The following PREX2 variants were observed in gnomAD, a reference collection of about 807,000 sequenced individuals.
The protein encoded by PREX2 is phosphatidylinositol 3,4,5-trisphosphate-dependent Rac exchanger 2 protein.
Under a neutral mutation model 203.2 loss-of-function variants are expected in PREX2, and 107 were observed. The observed-to-expected ratio is 0.53, with a 90% CI of 0.45 to 0.62. The LOEUF (loss-of-function observed/expected upper bound fraction) is 0.62, where lower values mean the gene tolerates loss of function less well. Among genes scored for constraint, PREX2 ranks in the 20% least tolerant of loss-of-function variants. PREX2 has a pLI of 0.00. For synonymous variants in PREX2, 672 were observed against 663.6 expected (o/e 1.01, Z -0.19); for missense variants, 1,777 against 1,955.9 (o/e 0.91, Z 1.72).
At chr8:68,158,093 A>G (rs1271711194) in intron 35 of PREX2, among the ~76,000 whole-genome samples, 2 of 89,548 alleles carry the variant, frequency 2.2e-5, no homozygotes, top group Non-Finnish European at 4.2e-5. Flanking sequence ...ATTCACATAT[A>G]TATGTGTATA....
intron 39 of PREX2, among the ~76,000 whole-genome samples, chr8:68,225,642 A>G (rs1457035184): frequency 6.6e-6 from 1 of 152,192 alleles, no homozygotes; most frequent in East Asian, 1.9e-4. Context: ...TTTCAAAGGG[A>G]AAACAAACTT....
chr8:68,233,940 AT>A lies in PREX2; in HGVS notation c.*2564del, dbSNP rs1488939094. ...GTTGTCATTAAATTATACATCTTGTATTAAAAAACGGTGAATGGAAATATGT... is the reference window on the plus strand; with the variant it reads ...GTTGTCATTAAATTATACATCTTGTATAAAAAACGGTGAATGGAAATATGT... On this transcript the variant is annotated 3_prime_UTR_variant, in exon 40 of 40. Transcript: ENST00000288368. 2 of 152,036 alleles carry A rather than the reference AT, an allele frequency of 1.3e-5. No homozygotes were observed. The highest frequency in any genetic ancestry group is 2.9e-5 in the Non-Finnish European group (2 of 67,996). The allele number at this position is 152,036 out of a possible 1,614,324, so 9.4% of individuals were successfully genotyped here. A position where few individuals can be genotyped will look rare whatever the true frequency, so the allele number is the denominator to read the frequency against.
intron 37 of PREX2, among the ~76,000 whole-genome samples, chr8:68,194,299 G>C (rs1446134204): frequency 6.6e-6 from 1 of 152,044 alleles, no homozygotes. Flanking sequence ...GGAAACGGTT[G>C]ATAAAGTAAA....
At chr8:67,992,917 C>T (rs750272120) in intron 1 of PREX2, among the ~76,000 whole-genome samples, 66 of 152,262 alleles carry the variant, frequency 4.3e-4, no homozygotes, top group Non-Finnish European at 8.4e-4. Context: ...AAAACTTCAG[C>T]TGAACATAAT....
chr8:68,010,846 C>G (rs879736945), intron 1 of PREX2, among the ~76,000 whole-genome samples: 1 of 152,120 alleles, frequency 6.6e-6, no homozygotes, highest in Non-Finnish European at 1.5e-5. Context: ...TCCTAATCTT[C>G]GTTCTTTTTG....
chr8:68,135,829 T>G (rs1811104643), intron 32 of PREX2, among the ~76,000 whole-genome samples: 1 of 152,180 alleles, frequency 6.6e-6, no homozygotes. Context: ...AACTTATATG[T>G]CCATCAACTG....
chr8:68,202,704 C>A (rs1812529704), intron 37 of PREX2, among the ~76,000 whole-genome samples: 1 of 152,098 alleles, frequency 6.6e-6, no homozygotes, highest in African/African-American at 2.4e-5. Flanking sequence ...AATGTTCAGT[C>A]ACAGTTCTGC....
intron 4 of PREX2, among the ~76,000 whole-genome samples, chr8:68,024,973 A>G (rs1178628826): frequency 6.6e-6 from 1 of 151,922 alleles, no homozygotes; most frequent in Non-Finnish European, 1.5e-5. Context: ...CTGTGCTATT[A>G]TTGCCATATA....
At chr8:67,991,579 A>G (rs1806610013) in intron 1 of PREX2, among the ~76,000 whole-genome samples, 1 of 152,192 alleles carries the variant, frequency 6.6e-6, no homozygotes, top group South Asian at 2.1e-4. Flanking sequence ...AGATCTCATC[A>G]GAATTCGCTA....
At chr8:68,141,835 C>T (rs779227601) in intron 33 of PREX2, among the ~76,000 whole-genome samples, 11 of 152,176 alleles carry the variant, frequency 7.2e-5, no homozygotes, top group South Asian at 4.1e-4. Flanking sequence ...ACCTTTTCCT[C>T]TTGCAATTTT....
At chr8:68,190,287 T>C (rs762067931) in intron 35 of PREX2, among the ~76,000 whole-genome samples, 6 of 152,160 alleles carry the variant, frequency 3.9e-5, no homozygotes, top group Non-Finnish European at 7.3e-5. Context: ...AAATGTCACA[T>C]TCTAGAAATG....
chr8:67,984,565 T>A (rs1806359842), intron 1 of PREX2, among the ~76,000 whole-genome samples: 1 of 152,224 alleles, frequency 6.6e-6, no homozygotes, highest in Non-Finnish European at 1.5e-5. Context: ...TAACTACTTC[T>A]GGTAGTTTAT....
At chr8:68,023,595 T>C (rs1239695743) in intron 4 of PREX2, among the ~76,000 whole-genome samples, 1 of 152,186 alleles carries the variant, frequency 6.6e-6, no homozygotes, top group Non-Finnish European at 1.5e-5. Flanking sequence ...TATCATCTTT[T>C]AAAATCAGAA....
chr8:68,103,350 A>G (rs369563519), intron 23 of PREX2, among the ~76,000 whole-genome samples: 1 of 152,236 alleles, frequency 6.6e-6, no homozygotes, highest in East Asian at 1.9e-4. Context: ...GTAGCTTACC[A>G]TTGTATTATT....
chr8:68,081,134 C>A (rs966769062), intron 17 of PREX2, among the ~76,000 whole-genome samples: 4 of 152,054 alleles, frequency 2.6e-5, no homozygotes, highest in Non-Finnish European at 5.9e-5. Context: ...ACAATTTTTC[C>A]ACAGGCGGAG....
chr8:68,031,407 G>A (rs537061487), intron 6 of PREX2, among the ~76,000 whole-genome samples: 1 of 152,240 alleles, frequency 6.6e-6, no homozygotes, highest in African/African-American at 2.4e-5. Context: ...ATTTTTAAGT[G>A]TAGGAAAGAT....
intron 35 of PREX2, among the ~76,000 whole-genome samples, chr8:68,183,759 T>C (rs758564439): frequency 4.6e-5 from 7 of 152,134 alleles, no homozygotes; most frequent in Non-Finnish European, 7.4e-5. Context: ...TTGACAGCAG[T>C]GAAGAGTAGA....
chr8:68,108,336 G>A lies in PREX2; in HGVS notation c.2938+5G>A, dbSNP rs1563549656. The A allele has an allele frequency of 6.2e-7, 1 of 1,603,384 alleles. No homozygotes were observed. Among genetic ancestry groups the A allele is most frequent in the South Asian group, 1.1e-5 (1 of 90,360 alleles). On this transcript the variant is annotated splice_donor_5th_base_variant and intron_variant, in intron 24 of 39. Coordinates refer to ENST00000288368, the MANE Select transcript of PREX2 (RefSeq NM_024870.4). Reference sequence around the variant, plus strand: ...AAAACAAATCTTCGGAGCAAGGTATGCTAGCTTTTGCAACTTTATCAAATC... The same window carrying A: ...AAAACAAATCTTCGGAGCAAGGTATACTAGCTTTTGCAACTTTATCAAATC...
intron 37 of PREX2, among the ~76,000 whole-genome samples, chr8:68,200,635 C>A (rs1306363896): frequency 6.6e-6 from 1 of 151,086 alleles, no homozygotes; most frequent in Non-Finnish European, 1.5e-5. Flanking sequence ...TTAATATGTA[C>A]CCTAATAAAT....
Sources: gnomAD v4.1 joint callset for allele counts (sites outside exome capture counted in the v4.1 genomes callset) on GRCh38, gnomAD v4.1.1 for gene constraint, MANE v1.5 for transcripts, NCBI Gene and HGNC (gene_info 2026-07-23, HGNC 2026-07-21) for gene names.